The following SYT6 variants were observed in gnomAD, a reference collection of about 807,000 sequenced individuals.
SYT6 encodes synaptotagmin 6.
Under a neutral mutation model 38.4 loss-of-function variants are expected in SYT6, and 24 were observed. The ratio of observed to expected loss-of-function variants is 0.62; its 90% CI spans 0.45 to 0.88. The LOEUF (loss-of-function observed/expected upper bound fraction) is 0.88. Among genes scored for constraint, SYT6 ranks in the 40% least tolerant of loss-of-function variants. The pLI is 0.00. For missense variants in SYT6, 611 were observed against 621.0 expected (o/e 0.98, Z 0.17); for synonymous variants, 265 against 241.9 (o/e 1.10, Z -0.89).
At chr1:114,143,932 C>T (rs974404848) in intron 1 of SYT6, among the ~76,000 whole-genome samples, 2 of 152,000 alleles carry the variant, frequency 1.3e-5, no homozygotes, top group African/African-American at 4.8e-5. Flanking sequence ...ACTTCCCTCT[C>T]CAAATTTGGG....
chr1:114,097,723 C>A lies in SYT6; in HGVS notation c.1515+4G>T. 1 of 1,613,868 alleles carries A rather than the reference C, an allele frequency of 6.2e-7. No individual in the cohort carries two copies. Among genetic ancestry groups the A allele is most frequent in the Non-Finnish European group, 8.5e-7 (1 of 1,179,846 alleles). ...CATGCCAAGGGCCAGGTGACCTCAC[C>A]CACCTCTTTGAAGGATTTCTTTACC... is the stretch of plus-strand genomic sequence containing the variant. On this transcript the variant is annotated splice_donor_region_variant and intron_variant, in intron 6 of 7. Coordinates refer to ENST00000610222, the MANE Select transcript of SYT6 (RefSeq NM_001253772.2).
At chr1:114,135,886 A>G (rs1356047681) in intron 3 of SYT6, among the ~76,000 whole-genome samples, 1 of 152,214 alleles carries the variant, frequency 6.6e-6, no homozygotes, top group Non-Finnish European at 1.5e-5. Context: ...TAATGAAGCC[A>G]CAGCCTAAGG....
At chr1:114,092,105 T>C (rs899618668) in intron 7 of SYT6, 23 bp from the exon 8 acceptor site, 9 of 1,534,878 alleles carry the variant, frequency 5.9e-6, no homozygotes, top group Non-Finnish European at 7.0e-6. Flanking sequence ...GAACAATCTG[T>C]TTATTAATTG....
chr1:114,150,677 T>C (rs1334188203), intron 1 of SYT6, among the ~76,000 whole-genome samples: 1 of 152,208 alleles, frequency 6.6e-6, no homozygotes, highest in East Asian at 1.9e-4. Flanking sequence ...AAAAGTTCAT[T>C]CATTTCTACA....
chr1:114,090,392 C>G lies in SYT6; in HGVS notation c.*1742G>C, dbSNP rs548104367. On this transcript the variant is annotated 3_prime_UTR_variant, in exon 8 of 8. Coordinates refer to ENST00000610222, the MANE Select transcript of SYT6 (RefSeq NM_001253772.2). ...TTTAGGTTTATCTACATTTACTTTT[C>G]TAAGCAGAAAATTCCTTTTGCCACA... The G allele has an allele frequency of 6.6e-6, 1 of 152,490 alleles. No homozygotes were observed. Among genetic ancestry groups the G allele is most frequent in the South Asian group, 2.1e-4 (1 of 4,830 alleles). The allele number at this position is 152,490 out of a possible 1,614,324, so 9.4% of individuals were successfully genotyped here. A position where few individuals can be genotyped will look rare whatever the true frequency, so the allele number is the denominator to read the frequency against.
At chr1:114,118,602 G>A (rs1206787570) in intron 3 of SYT6, among the ~76,000 whole-genome samples, 2 of 152,230 alleles carry the variant, frequency 1.3e-5, no homozygotes, top group East Asian at 3.9e-4. Flanking sequence ...AGGCCCTCCG[G>A]CGGGGTGTCC....
chr1:114,107,157 T>C (rs1190771839), intron 3 of SYT6, among the ~76,000 whole-genome samples: 1 of 152,134 alleles, frequency 6.6e-6, no homozygotes, highest in East Asian at 1.9e-4. Flanking sequence ...AGGCTGTCTC[T>C]TTTGGGGGAG....
In SYT6 at chr1:114,137,507, T is replaced by C. The variant is rs1348399952; in HGVS notation, c.1059A>G (p.Gln353=). 3 of 1,613,150 alleles carry C rather than the reference T, an allele frequency of 1.9e-6. No individual in the cohort carries two copies. The highest frequency in any genetic ancestry group is 2.7e-5 in the African/African-American group (2 of 74,916). ...SRETSIWKDI[Q]YATSESVDLG... is the part of the protein sequence containing the mutation. Reference sequence around the variant, plus strand: ...GGGCTGTACTTACACTTGTGGCATATTGGATATCCTTCCAGATGGAGGTTT... The same window carrying C: ...GGGCTGTACTTACACTTGTGGCATACTGGATATCCTTCCAGATGGAGGTTT... The change falls in exon 3 of 8, where the codon CAA becomes CAG. Residue 353 remains glutamine, a synonymous_variant. Transcript: ENST00000610222.
rs868603897 is a variant in SYT6 at position 114,092,012 on chromosome 1, C to G, written c.*122G>C. On this transcript the variant is annotated 3_prime_UTR_variant, in exon 8 of 8. Coordinates refer to ENST00000610222, the MANE Select transcript of SYT6 (RefSeq NM_001253772.2). Reference sequence around the variant, plus strand: ...ATTTGTGTTATTTGGCTGCACATCTCATGGTGTTGGAGGTGGTTTCGGAGA... The same window carrying G: ...ATTTGTGTTATTTGGCTGCACATCTGATGGTGTTGGAGGTGGTTTCGGAGA... 6.5e-7 allele frequency: 1 copy of G among 1,536,300 alleles called. No individual in the cohort carries two copies. Among genetic ancestry groups the G allele is most frequent in the East Asian group, 2.4e-5 (1 of 41,062 alleles).
chr1:114,105,781 C>A (rs1676269607), intron 3 of SYT6, among the ~76,000 whole-genome samples: 1 of 152,188 alleles, frequency 6.6e-6, no homozygotes, highest in Admixed American at 6.5e-5. Context: ...GTGGTCCTTG[C>A]ACTCCGCTTT....
chr1:114,120,817 G>A (rs1443246405), intron 3 of SYT6, among the ~76,000 whole-genome samples: 1 of 152,252 alleles, frequency 6.6e-6, no homozygotes, highest in Non-Finnish European at 1.5e-5. Flanking sequence ...CTGCCCCTGG[G>A]GCACCTGCAC....
chr1:114,131,925 C>A (rs905182375), intron 3 of SYT6, among the ~76,000 whole-genome samples: 3 of 152,170 alleles, frequency 2.0e-5, no homozygotes, highest in African/African-American at 7.2e-5. Flanking sequence ...CTTCTGGATC[C>A]CCTGATGAGC....
chr1:114,147,703 G>A (rs1241181666), intron 1 of SYT6, among the ~76,000 whole-genome samples: 1 of 152,208 alleles, frequency 6.6e-6, no homozygotes, highest in African/African-American at 2.4e-5. Context: ...TTCTAATTGC[G>A]TGACCTTGAG....
At chr1:114,098,946 T>A (rs1675806770) in intron 5 of SYT6, 148 bp downstream of exon 5, 1 of 749,380 alleles carries the variant, frequency 1.3e-6, no homozygotes, top group Non-Finnish European at 2.0e-6. Context: ...TTCCTCAAAC[T>A]CCTGCACCCT....
intron 3 of SYT6, among the ~76,000 whole-genome samples, chr1:114,120,061 A>G (rs1403248178): frequency 2.3e-5 from 3 of 132,416 alleles, no homozygotes; most frequent in African/African-American, 9.3e-5. Context: ...ACAGAGAGAG[A>G]CTCTGTCTCA....
chr1:114,135,299 C>T (rs990719428), intron 3 of SYT6, among the ~76,000 whole-genome samples: 2 of 152,144 alleles, frequency 1.3e-5, no homozygotes, highest in South Asian at 2.1e-4. Flanking sequence ...ACCAGCTGTC[C>T]TAACTCTAAG....
At chr1:114,093,440 C>T (rs1675438182) in intron 7 of SYT6, among the ~76,000 whole-genome samples, 1 of 152,196 alleles carries the variant, frequency 6.6e-6, no homozygotes, top group Non-Finnish European at 1.5e-5. Flanking sequence ...GTACCGATGA[C>T]CACCATTATG....
intron 3 of SYT6, among the ~76,000 whole-genome samples, chr1:114,122,089 C>T (rs925229499): frequency 6.6e-6 from 1 of 152,190 alleles, no homozygotes; most frequent in African/African-American, 2.4e-5. Flanking sequence ...GATCCGTGCC[C>T]CTTGCAGGGT....
At chr1:114,136,615 A>G (rs1188875611) in intron 3 of SYT6, among the ~76,000 whole-genome samples, 1 of 152,162 alleles carries the variant, frequency 6.6e-6, no homozygotes, top group African/African-American at 2.4e-5. Flanking sequence ...TTAAAAGCCA[A>G]CTTGAGCCCC....
Sources: allele counts gnomAD v4.1 joint callset (sites outside exome capture counted in the v4.1 genomes callset), GRCh38; gene constraint gnomAD v4.1.1; transcripts MANE v1.5; gene names NCBI Gene and HGNC (gene_info 2026-07-23, HGNC 2026-07-21).